CWF19L2: variants seen among roughly 807,000 people sequenced by gnomAD.
The protein encoded by CWF19L2 is CWF19-like protein 2.
Under a neutral mutation model 111.7 loss-of-function variants are expected in CWF19L2, and 98 were observed. The ratio of observed to expected loss-of-function variants is 0.88; its 90% CI spans 0.75 to 1.04. CWF19L2 has a LOEUF of 1.04. Ranked by LOEUF, CWF19L2 falls within the 50% of genes least tolerant of loss-of-function variation. The pLI, the probability that CWF19L2 is intolerant of heterozygous loss-of-function variation, is 0.00. For synonymous variants in CWF19L2, 351 were observed against 342.9 expected (o/e 1.02, Z -0.26); for missense variants, 1,101 against 1,051.4 (o/e 1.05, Z -0.65).
intron 3 of CWF19L2, among the ~76,000 whole-genome samples, chr11:107,446,100 G>T (rs1861698719): frequency 6.6e-6 from 1 of 152,116 alleles, no homozygotes; most frequent in South Asian, 2.1e-4. Flanking sequence ...TTTCATATCA[G>T]AAAAAAATGA....
intron 13 of CWF19L2, among the ~76,000 whole-genome samples, chr11:107,351,710 C>T (rs752480499): frequency 6.6e-6 from 1 of 152,140 alleles, no homozygotes; most frequent in African/African-American, 2.4e-5. Context: ...TCTGTAGCTC[C>T]TCCCATCAAG....
chr11:107,386,360 A>G (rs944057716), intron 12 of CWF19L2, among the ~76,000 whole-genome samples: 3 of 152,122 alleles, frequency 2.0e-5, no homozygotes, highest in Non-Finnish European at 4.4e-5. Flanking sequence ...CTGTATACTA[A>G]TACTCTGCCT....
chr11:107,439,053 A>AAC (rs1209739929), intron 6 of CWF19L2, 37 bp downstream of exon 6: 3 of 968,568 alleles, frequency 3.1e-6, no homozygotes, highest in African/African-American at 3.4e-5. Context: ...AAAAAAAAAA[A>AAC]AAACCCTGTG....
At chr11:107,427,692 G>T (rs1314225423) in intron 8 of CWF19L2, among the ~76,000 whole-genome samples, 1 of 152,062 alleles carries the variant, frequency 6.6e-6, no homozygotes, top group African/African-American at 2.4e-5. Context: ...CTACCACCCA[G>T]GGCACCTGGA....
chr11:107,347,093 TAAC>T (rs1193999839), intron 14 of CWF19L2, among the ~76,000 whole-genome samples: 1 of 152,194 alleles, frequency 6.6e-6, no homozygotes, highest in Non-Finnish European at 1.5e-5. Context: ...GTAAAAATGA[TAAC>T]AATAAATTTA....
intron 15 of CWF19L2, among the ~76,000 whole-genome samples, chr11:107,335,787 A>G (rs535637633): frequency 5.3e-5 from 8 of 152,346 alleles, no homozygotes; most frequent in African/African-American, 1.9e-4. Flanking sequence ...AGCAAATTTT[A>G]AAGATAAAAT....
chr11:107,363,165 G>A (rs945786429), intron 12 of CWF19L2, among the ~76,000 whole-genome samples: 1 of 152,026 alleles, frequency 6.6e-6, no homozygotes, highest in African/African-American at 2.4e-5. Flanking sequence ...AAGAAATATG[G>A]GACTATGTGA....
chr11:107,361,733 A>T (rs550154652), intron 12 of CWF19L2, among the ~76,000 whole-genome samples: 9 of 152,278 alleles, frequency 5.9e-5, no homozygotes, highest in African/African-American at 1.9e-4. Flanking sequence ...TTTTATAGCT[A>T]TTGTAAATGG....
rs201959444 is a variant in CWF19L2, at chr11:107,429,136, C to T, written c.1096G>A (p.Ala366Thr). 32 of 1,613,760 alleles carry T rather than the reference C, an allele frequency of 2.0e-5. No homozygotes were observed. Among genetic ancestry groups the T allele is most frequent in the Non-Finnish European group, 2.5e-5 (29 of 1,179,784 alleles). ...TCATCAGAGGGTCTCAAGAATTTAG[C>T]TCTCAAATTGCCAAAAGAAAACTCT... Reference protein sequence around the residue: ...NQEFSFGNLRAKFLRPSDDEE... With the variant: ...NQEFSFGNLRTKFLRPSDDEE... The change falls in exon 8 of 18, where the codon GCT becomes ACT. Residue 366 changes from alanine to threonine, a missense_variant. Coordinates refer to ENST00000282251, the MANE Select transcript of CWF19L2 (RefSeq NM_152434.3).
chr11:107,427,711 T>C (rs1171215375), intron 8 of CWF19L2, among the ~76,000 whole-genome samples: 9 of 152,140 alleles, frequency 5.9e-5, no homozygotes, highest in Admixed American at 2.6e-4. Flanking sequence ...GAGTGAAGAC[T>C]GGACAATTAC....
intron 12 of CWF19L2, among the ~76,000 whole-genome samples, chr11:107,386,105 CTAA>C (rs1860761748): frequency 6.6e-6 from 1 of 152,118 alleles, no homozygotes; most frequent in Non-Finnish European, 1.5e-5. Flanking sequence ...AGACATCCAC[CTAA>C]ACTCAAGTGA....
At chr11:107,452,377 T>G (rs1861789693) in intron 3 of CWF19L2, among the ~76,000 whole-genome samples, 1 of 152,004 alleles carries the variant, frequency 6.6e-6, no homozygotes, top group Non-Finnish European at 1.5e-5. Flanking sequence ...ACGATAGCAC[T>G]TCCAGAAAAC....
intron 10 of CWF19L2, among the ~76,000 whole-genome samples, chr11:107,414,627 C>G (rs1252772475): frequency 6.6e-6 from 1 of 152,050 alleles, no homozygotes; most frequent in Non-Finnish European, 1.5e-5. Context: ...CTCAATATAT[C>G]CAAAACAGAA....
intron 13 of CWF19L2, among the ~76,000 whole-genome samples, chr11:107,353,066 C>A (rs1860180297): frequency 6.6e-6 from 1 of 152,248 alleles, no homozygotes; most frequent in Admixed American, 6.5e-5. Context: ...GCCTTCCAGA[C>A]TACCTTGTGA....
intron 6 of CWF19L2, among the ~76,000 whole-genome samples, chr11:107,438,151 T>C (rs561852634): frequency 2.8e-4 from 43 of 152,250 alleles, no homozygotes; most frequent in African/African-American, 9.4e-4. Flanking sequence ...AAATACATTA[T>C]GTATAAAAAG....
chr11:107,352,621 A>T (rs891745902), intron 13 of CWF19L2, among the ~76,000 whole-genome samples: 1 of 152,144 alleles, frequency 6.6e-6, no homozygotes, highest in African/African-American at 2.4e-5. Context: ...ATTAGTTAAG[A>T]TGGATTTTTA....
chr11:107,379,512 T>C (rs1860649877), intron 12 of CWF19L2, among the ~76,000 whole-genome samples: 1 of 152,266 alleles, frequency 6.6e-6, no homozygotes, highest in Non-Finnish European at 1.5e-5. Context: ...TGAAAAGTTC[T>C]TTTGTATCCA....
In CWF19L2 at chr11:107,400,988, AG is replaced by A. The variant is rs1860991100; in HGVS notation, c.1618-8094del. ...ATCACATGATCATCTCAATAGATGCAGAAAAAGCATTTGACAAAATCCAGCA... is the reference window on the plus strand; with the variant it reads ...ATCACATGATCATCTCAATAGATGCAAAAAAGCATTTGACAAAATCCAGCA... On this transcript the variant is annotated intron_variant, in intron 10 of 17. Coordinates refer to ENST00000282251, the MANE Select transcript of CWF19L2 (RefSeq NM_152434.3). 2.0e-5 allele frequency among the ~76,000 whole-genome samples: 3 copies of A among 152,238 alleles called. No homozygotes were observed. In the South Asian group the frequency reaches 6.2e-4, roughly 32 times the overall value.
At chr11:107,357,198 G>C (rs1001626789) in intron 12 of CWF19L2, among the ~76,000 whole-genome samples, 2 of 152,150 alleles carry the variant, frequency 1.3e-5, no homozygotes, top group East Asian at 1.9e-4. Flanking sequence ...ATATAAGTGA[G>C]GCTTTTTCCC....
Sources: gnomAD v4.1 joint callset for allele counts (sites outside exome capture counted in the v4.1 genomes callset) on GRCh38, gnomAD v4.1.1 for gene constraint, MANE v1.5 for transcripts, NCBI Gene and HGNC (gene_info 2026-07-23, HGNC 2026-07-21) for gene names.